Variants in OR51B5 observed in about 807,000 individuals in gnomAD.
OR51B5 encodes the protein olfactory receptor family 51 subfamily B member 5, also known as olfactory receptor 51B5.
For missense variants in OR51B5, 456 were observed against 374.6 expected (o/e 1.22, Z -1.79); for synonymous variants, 186 against 144.8 (o/e 1.28, Z -2.04).
At chr11:5,452,425 G>A (rs559884798) in intron 1 of OR51B5, among the ~76,000 whole-genome samples, 1 of 147,120 alleles carries the variant, frequency 6.8e-6, no homozygotes, top group East Asian at 2.1e-4. Context: ...AGAATGGCGT[G>A]AACCCGGGAG....
chr11:5,378,560 C>A (rs1175436196), intron 1 of OR51B5, among the ~76,000 whole-genome samples: 1 of 152,164 alleles, frequency 6.6e-6, no homozygotes, highest in Non-Finnish European at 1.5e-5. Flanking sequence ...ACAACCTACT[C>A]ATCTGACAAA....
chr11:5,372,116 T>C (rs531493410), intron 1 of OR51B5, among the ~76,000 whole-genome samples: 2 of 152,330 alleles, frequency 1.3e-5, no homozygotes, highest in African/African-American at 4.8e-5. Context: ...ATATGACATA[T>C]ATCACAATAT....
At chr11:5,394,197 G>T (rs1849836440) in intron 1 of OR51B5, among the ~76,000 whole-genome samples, 2 of 151,778 alleles carry the variant, frequency 1.3e-5, no homozygotes, top group Admixed American at 1.3e-4. Context: ...ATTATTCTAA[G>T]GGCATAATAC....
At chr11:5,449,198 G>A (rs1016980379) in intron 1 of OR51B5, 3 of 152,170 alleles carry the variant, frequency 2.0e-5, no homozygotes, top group African/African-American at 7.2e-5. Flanking sequence ...AGTTATTATG[G>A]ACCTCAGGAG....
chr11:5,425,170 A>T (rs1451416257), intron 1 of OR51B5, among the ~76,000 whole-genome samples: 1 of 152,120 alleles, frequency 6.6e-6, no homozygotes, highest in African/African-American at 2.4e-5. Flanking sequence ...AATAGAATTT[A>T]AGTCCAGAAA....
chr11:5,431,345 G>A (rs1850532794), intron 1 of OR51B5: 3 of 293,890 alleles, frequency 1.0e-5, no homozygotes, highest in Non-Finnish European at 2.0e-5. Context: ...TCAAACCAAA[G>A]AATGCCTGTA....
At chr11:5,406,261 A>T (rs1266900919) in intron 1 of OR51B5, among the ~76,000 whole-genome samples, 2 of 152,208 alleles carry the variant, frequency 1.3e-5, no homozygotes, top group Non-Finnish European at 2.9e-5. Flanking sequence ...TGTTTCTCAG[A>T]TTATAGCCAA....
chr11:5,400,733 T>C (rs1849955183), intron 1 of OR51B5, among the ~76,000 whole-genome samples: 1 of 152,236 alleles, frequency 6.6e-6, no homozygotes, highest in Admixed American at 6.5e-5. Context: ...TGGTTGAAAG[T>C]TGCAGAGATT....
intron 1 of OR51B5, among the ~76,000 whole-genome samples, chr11:5,364,547 G>C (rs144995006): frequency 4.6e-5 from 7 of 152,306 alleles, no homozygotes; most frequent in Non-Finnish European, 1.0e-4. Context: ...GCTTTGAAGA[G>C]AGTAGGAGCT....
chr11:5,492,891 T>C (rs1419952119), intron 1 of OR51B5, among the ~76,000 whole-genome samples: 4 of 152,084 alleles, frequency 2.6e-5, no homozygotes, highest in Non-Finnish European at 4.4e-5. Context: ...CACCTCAGCC[T>C]CCCAAAGTGC....
At chr11:5,395,124 A>G (rs1400783556) in intron 1 of OR51B5, among the ~76,000 whole-genome samples, 4 of 152,188 alleles carry the variant, frequency 2.6e-5, no homozygotes, top group African/African-American at 9.6e-5. Context: ...GGCATCTCAA[A>G]TGCTTTGGTC....
chr11:5,421,961 G>T (rs979748492), intron 1 of OR51B5: 3 of 470,546 alleles, frequency 6.4e-6, no homozygotes, highest in African/African-American at 3.9e-5. Context: ...AGTTACCCAT[G>T]AATTAATATA....
intron 1 of OR51B5, chr11:5,453,499 T>C: frequency 1.3e-6 from 2 of 1,549,974 alleles, no homozygotes; most frequent in Non-Finnish European, 1.7e-6. Flanking sequence ...ATGGGGTTGT[T>C]CAATGTCACT....
intron 1 of OR51B5, among the ~76,000 whole-genome samples, chr11:5,451,191 C>G (rs1183668781): frequency 6.6e-6 from 1 of 152,168 alleles, no homozygotes; most frequent in Non-Finnish European, 1.5e-5. Flanking sequence ...TTAGCAATCC[C>G]CAAGGTAAGG....
Position 5,352,289 on chromosome 11 carries a change from G to T in OR51B5, n.85-5379C>A, listed in dbSNP as rs145119951. On this transcript the variant is annotated intron_variant and non_coding_transcript_variant, in intron 1 of 4. Transcript: ENST00000415970. ...GTAGTTTGTCTGACATTTATTCATA[G>T]GTTTGGAAAGCATGTTCCTCATGTC... 1,833 of 1,614,180 alleles carry T rather than the reference G, an allele frequency of 1.1e-3. 2 individuals carry two copies. Among genetic ancestry groups the T allele is most frequent in the Admixed American group, 1.5e-3 (89 of 60,022 alleles).
chr11:5,488,495 T>C (rs981050416), intron 1 of OR51B5, among the ~76,000 whole-genome samples: 10 of 152,194 alleles, frequency 6.6e-5, no homozygotes, highest in African/African-American at 2.4e-4. Context: ...CAAAACATCA[T>C]TGTTCAATAT....
chr11:5,395,778 G>A (rs996661326), intron 1 of OR51B5, among the ~76,000 whole-genome samples: 3 of 152,164 alleles, frequency 2.0e-5, no homozygotes, highest in Admixed American at 6.5e-5. Context: ...TGGAAGGATT[G>A]TCCAAAAACC....
At chr11:5,465,133 G>A (rs1373683025) in intron 1 of OR51B5, among the ~76,000 whole-genome samples, 2 of 147,160 alleles carry the variant, frequency 1.4e-5, no homozygotes, top group African/African-American at 5.0e-5. Flanking sequence ...GTGAACCCGG[G>A]AGGCGGAGCT....
chr11:5,387,584 T>C (rs1168592971), intron 1 of OR51B5, among the ~76,000 whole-genome samples: 1 of 152,226 alleles, frequency 6.6e-6, no homozygotes, highest in South Asian at 2.1e-4. Flanking sequence ...ATACATGACG[T>C]AGCATTTAGC....
Sources: gnomAD v4.1 joint callset for allele counts (sites outside exome capture counted in the v4.1 genomes callset) on GRCh38, gnomAD v4.1.1 for gene constraint, MANE v1.5 for transcripts, NCBI Gene and HGNC (gene_info 2026-07-23, HGNC 2026-07-21) for gene names.